Variants in MPV17 observed in about 807,000 individuals in gnomAD.
MPV17 encodes the protein MPV17, mitochondrial inner membrane protein.
In MPV17, 31 loss-of-function variants were observed where a neutral mutation model predicts 28.6. The observed-to-expected ratio is 1.08, with a 90% CI of 0.81 to 1.46. The LOEUF (loss-of-function observed/expected upper bound fraction) is 1.46, where lower values mean the gene tolerates loss of function less well. MPV17 is among the 40% of genes most tolerant of loss of function. The pLI, the probability that MPV17 is intolerant of heterozygous loss-of-function variation, is 0.00. For synonymous variants in MPV17, 87 were observed against 85.3 expected (o/e 1.02, Z -0.11); for missense variants, 198 against 216.2 (o/e 0.92, Z 0.53).
Position 27,309,663 on chromosome 2 carries a change from G to C in MPV17, c.*249C>G. 1 of 613,732 alleles carries C rather than the reference G, an allele frequency of 1.6e-6. No individual in the cohort carries two copies. Among genetic ancestry groups the C allele is most frequent in the Non-Finnish European group, 2.9e-6 (1 of 340,884 alleles). 38.0% of individuals were successfully genotyped at this position (613,732 alleles called of 1,614,324 possible). ...GGGATATGGGTGTAAAGTTGATAAG[G>C]TCATGAAGGTTCAACAGATATTTAT... On this transcript the variant is annotated 3_prime_UTR_variant, in exon 8 of 8. Transcript: ENST00000380044.
intron 7 of MPV17, chr2:27,311,585 G>A (rs1283321634): frequency 1.9e-6 from 3 of 1,550,288 alleles, no homozygotes; most frequent in South Asian, 1.2e-5. Context: ...TCTAACCTAG[G>A]CTGCAGCACC....
At chr2:27,314,442 G>T (rs1018752151) in intron 2 of MPV17, among the ~76,000 whole-genome samples, 2 of 152,170 alleles carry the variant, frequency 1.3e-5, no homozygotes, top group Non-Finnish European at 2.9e-5. Flanking sequence ...AGCACAATCA[G>T]CTAAACCAAG....
At position 27,309,659 on chromosome 2, in the gene MPV17, TAAGGTCATG is replaced by T. The variant is rs900906732; in HGVS notation, c.*244_*252del. On this transcript the variant is annotated 3_prime_UTR_variant, in exon 8 of 8. Transcript: ENST00000380044. ...TGCTGGGATATGGGTGTAAAGTTGA[TAAGGTCATG>T]AAGGTTCAACAGATATTTATGGAGT... 3 of 606,034 alleles carry T rather than the reference TAAGGTCATG, an allele frequency of 5.0e-6. No homozygotes were observed. Among genetic ancestry groups the T allele is most frequent in the Non-Finnish European group, 8.9e-6 (3 of 337,492 alleles). 37.5% of individuals were successfully genotyped at this position (606,034 alleles called of 1,614,324 possible). A position where few individuals can be genotyped will look rare whatever the true frequency, so the allele number is the denominator to read the frequency against.
At chr2:27,322,854 A>G (rs1460254897) in intron 1 of MPV17, among the ~76,000 whole-genome samples, 198 bp downstream of exon 1, 1 of 152,132 alleles carries the variant, frequency 6.6e-6, no homozygotes, top group Non-Finnish European at 1.5e-5. Flanking sequence ...TTCTACCCAG[A>G]GCTTGGGTGC....
At chr2:27,316,199 C>G (rs567981087) in intron 2 of MPV17, 1 of 1,551,034 alleles carries the variant, frequency 6.4e-7, no homozygotes, top group African/African-American at 1.4e-5. Context: ...GGGAAAGAAA[C>G]AGAGAAGTGT....
At chr2:27,321,414 G>A (rs1041065034) in intron 2 of MPV17, among the ~76,000 whole-genome samples, 6 of 152,214 alleles carry the variant, frequency 3.9e-5, no homozygotes, top group Admixed American at 1.3e-4. Flanking sequence ...TTTCTGTGCC[G>A]ATGCAGGGCT....
At chr2:27,312,335 C>A (rs2148215294) in intron 5 of MPV17, 89 bp from the exon 6 acceptor site, 1 of 1,489,688 alleles carries the variant, frequency 6.7e-7, no homozygotes, top group South Asian at 1.1e-5. Flanking sequence ...GACTTGGGTT[C>A]AAAGAGCACA....
chr2:27,317,214 G>T lies in MPV17; in HGVS notation c.71-4105C>A. 1.3e-6 allele frequency: 2 copies of T among 1,548,748 alleles called. No homozygotes were observed. Among genetic ancestry groups the T allele is most frequent in the Non-Finnish European group, 1.7e-6 (2 of 1,146,186 alleles). On this transcript the variant is annotated intron_variant, in intron 2 of 7. Transcript: ENST00000380044. The surrounding 1 kb of genome is among the most constrained non-coding windows in gnomAD (Gnocchi z 4.0). ...TAGCTACTGGCATGGGGCCAGCAGTGCTGCCTTCCTCCCCAGAAGTCTGCA... is the reference window on the plus strand; with the variant it reads ...TAGCTACTGGCATGGGGCCAGCAGTTCTGCCTTCCTCCCCAGAAGTCTGCA...
At position 27,309,940 on chromosome 2, in the gene MPV17, T is replaced by TAGGA; in HGVS notation, c.499_502dup (p.Tyr168PhefsTer23). On this transcript the variant is annotated frameshift_variant, in exon 8 of 8. Coordinates refer to ENST00000380044, the MANE Select transcript of MPV17 (RefSeq NM_002437.5). LOFTEE classifies it high-confidence loss of function. ...GAGCCGATGTGCCTTCCAGGACAGG[T>TAGGA]AGGAGTTCCAGATAACAGCAACACA... The TAGGA allele has an allele frequency of 6.2e-7, 1 of 1,613,926 alleles. No homozygotes were observed. The highest frequency in any genetic ancestry group is 8.5e-7 in the Non-Finnish European group (1 of 1,179,900).
intron 1 of MPV17, 84 bp downstream of exon 1, chr2:27,322,968 C>T (rs949115700): frequency 6.0e-5 from 15 of 248,120 alleles, no homozygotes; most frequent in Admixed American, 1.0e-4. Context: ...CGTCACTGCC[C>T]GGATATAGGA....
At chr2:27,316,694 T>A in intron 2 of MPV17, 1 of 228,782 alleles carries the variant, frequency 4.4e-6, no homozygotes, top group Non-Finnish European at 8.5e-6. Flanking sequence ...TTGGTTGGTC[T>A]GGACTCTCCA....
intron 2 of MPV17, chr2:27,316,992 AGT>A: frequency 7.8e-7 from 1 of 1,280,474 alleles, no homozygotes; most frequent in South Asian, 1.5e-5. Context: ...CCTGCCCACT[AGT>A]GGAAAAGCCC....
rs773274752 is a variant in MPV17 at position 27,311,926 on chromosome 2, T to G, written c.434A>C (p.Asn145Thr). 2 of 1,613,804 alleles carry G rather than the reference T, an allele frequency of 1.2e-6. No individual in the cohort carries two copies. Among genetic ancestry groups the G allele is most frequent in the East Asian group, 4.5e-5 (2 of 44,884 alleles). ...GTAATGAAGGGGGACCAGGTAGAAG[T>G]TGGCTAACTGCACAGCAGGCCATAG... The part of the protein sequence containing the change: ...YYLWPAVQLA[N>T]FYLVPLHYRL... Residue 145 changes from asparagine (N) to threonine (T), a missense_variant, in exon 7 of 8, where the codon AAC becomes ACC. By Grantham distance (65) the Asn-to-Thr change is moderately conservative. Coordinates refer to ENST00000380044, the MANE Select transcript of MPV17 (RefSeq NM_002437.5).
chr2:27,320,586 G>A (rs1252580540), intron 2 of MPV17, among the ~76,000 whole-genome samples: 16 of 152,060 alleles, frequency 1.1e-4, no homozygotes, highest in Admixed American at 7.2e-4. Context: ...TGCCCACCTC[G>A]GCGTCCCAAA....
chr2:27,311,331 A>G, intron 7 of MPV17: 1 of 476,986 alleles, frequency 2.1e-6, no homozygotes, highest in Non-Finnish European at 3.8e-6. Context: ...AAAGTGCTAG[A>G]ATTACAGGTG....
At chr2:27,314,717 GTCTA>G (rs1679586278) in intron 2 of MPV17, among the ~76,000 whole-genome samples, 1 of 152,170 alleles carries the variant, frequency 6.6e-6, no homozygotes, top group Non-Finnish European at 1.5e-5. Flanking sequence ...CAGCTCACCT[GTCTA>G]TCTCACCGAG....
At chr2:27,319,938 A>AG (rs987207518) in intron 2 of MPV17, among the ~76,000 whole-genome samples, 4 of 150,984 alleles carry the variant, frequency 2.6e-5, no homozygotes, top group African/African-American at 7.3e-5. Context: ...AAAAAAAAAA[A>AG]AAAGAAAAAG....
chr2:27,316,479 C>T (rs1679657558), intron 2 of MPV17, among the ~76,000 whole-genome samples: 1 of 152,142 alleles, frequency 6.6e-6, no homozygotes, highest in Non-Finnish European at 1.5e-5. Context: ...CCTTTGCCCA[C>T]AGATGATCAG....
chr2:27,309,829 T>G lies in MPV17; in HGVS notation c.*83A>C, dbSNP rs1679359344. On this transcript the variant is annotated 3_prime_UTR_variant, in exon 8 of 8. Transcript: ENST00000380044. Reference sequence around the variant, plus strand: ...GGCAACCCAACCCCGTGGAAACTGGTATGCCCACTTTGAGGAGGTTGTCTG... The same window carrying G: ...GGCAACCCAACCCCGTGGAAACTGGGATGCCCACTTTGAGGAGGTTGTCTG... 1 of 1,156,590 alleles carries G rather than the reference T, an allele frequency of 8.6e-7. No individual in the cohort carries two copies. The allele number at this position is 1,156,590 out of a possible 1,614,324, so 71.6% of individuals were successfully genotyped here.
Sources: gnomAD v4.1 joint callset for allele counts (sites outside exome capture counted in the v4.1 genomes callset) on GRCh38, gnomAD v4.1.1 for gene constraint, Gnocchi (gnomAD v3.1) non-coding constraint, MANE v1.5 for transcripts, NCBI Gene and HGNC (gene_info 2026-07-23, HGNC 2026-07-21) for gene names.